Variants in PCDHA5 observed in about 807,000 individuals in gnomAD.
PCDHA5 encodes protocadherin alpha 5, also known as protocadherin alpha-5.
Under a neutral mutation model 61.6 loss-of-function variants are expected in PCDHA5, and 43 were observed. The observed-to-expected ratio is 0.70, with a 90% CI of 0.55 to 0.90. PCDHA5 has a LOEUF of 0.90. PCDHA5 is among the 40% of genes least tolerant of loss of function. The pLI is 0.00. For missense variants in PCDHA5, 1,298 were observed against 1,222.7 expected, an observed-to-expected ratio of 1.06 and a Z score of -0.92; for synonymous variants, 627 against 543.9, an observed-to-expected ratio of 1.15 and a Z score of -2.13.
intron 1 of PCDHA5, among the ~76,000 whole-genome samples, chr5:140,826,875 T>C (rs532892808): frequency 6.6e-6 from 1 of 152,100 alleles, no homozygotes; most frequent in Non-Finnish European, 1.5e-5. Context: ...TAAAATTCAA[T>C]GAAAGCTGTA....
intron 1 of PCDHA5, chr5:140,854,476 A>G (rs1156843367): frequency 6.7e-6 from 1 of 150,032 alleles, no homozygotes. Flanking sequence ...GTAGAGAAGT[A>G]TAGAAACAGA....
chr5:140,829,713 G>T, intron 1 of PCDHA5: 1 of 1,613,488 alleles, frequency 6.2e-7, no homozygotes, highest in Non-Finnish European at 8.5e-7. Context: ...CGCGACGCGG[G>T]CGTGCCGCCT....
intron 3 of PCDHA5, among the ~76,000 whole-genome samples, chr5:141,002,751 C>T (rs1204940300): frequency 3.9e-5 from 6 of 152,152 alleles, no homozygotes; most frequent in African/African-American, 1.4e-4. Context: ...CATCGACAAC[C>T]CTGTGATGTA....
intron 1 of PCDHA5, chr5:140,824,475 A>G (rs1438730480): frequency 7.7e-6 from 3 of 390,628 alleles, no homozygotes; most frequent in Non-Finnish European, 1.4e-5. Context: ...TTTTATTGTT[A>G]TTTTTTAGAG....
chr5:140,902,615 G>C (rs2153477614), intron 1 of PCDHA5, among the ~76,000 whole-genome samples: 1 of 152,128 alleles, frequency 6.6e-6, no homozygotes, highest in Admixed American at 6.6e-5. Context: ...AGTTACATGG[G>C]TAAGTTATTT....
chr5:140,885,152 T>C (rs1182560213), intron 1 of PCDHA5, among the ~76,000 whole-genome samples: 1 of 152,206 alleles, frequency 6.6e-6, no homozygotes, highest in African/African-American at 2.4e-5. Context: ...CTGTTTTGAT[T>C]GTCTCTACTT....
At position 140,944,693 on chromosome 5, in the gene PCDHA5, G is replaced by A. The variant is rs191002677; in HGVS notation, c.2353-34256G>A. 1.7e-3 allele frequency among the ~76,000 whole-genome samples: 252 copies of A among 152,248 alleles called. No homozygotes were observed. In the Middle Eastern group the frequency reaches 0.017, roughly 10 times the overall value. On this transcript the variant is annotated intron_variant, in intron 1 of 3. Coordinates refer to ENST00000529859, the MANE Select transcript of PCDHA5 (RefSeq NM_018908.3). ...TATTCTGTGTATCCTATTAATAACA[G>A]TAATTATCAGGTTATTTTGCCTTTG...
chr5:140,967,087 G>A (rs782556858), intron 1 of PCDHA5: 5 of 1,613,256 alleles, frequency 3.1e-6, no homozygotes, highest in South Asian at 1.1e-5. Flanking sequence ...GCATTGATCG[G>A]GAGGCGCTGT....
intron 1 of PCDHA5, among the ~76,000 whole-genome samples, chr5:140,886,040 C>T (rs533442744): frequency 9.2e-5 from 14 of 152,118 alleles, no homozygotes; most frequent in Non-Finnish European, 1.9e-4. Context: ...AAGTTTTCCC[C>T]AATAGTAACA....
chr5:140,903,966 T>A (rs568850758), intron 1 of PCDHA5, among the ~76,000 whole-genome samples: 1 of 152,360 alleles, frequency 6.6e-6, no homozygotes, highest in Admixed American at 6.5e-5. Context: ...TTTGTTGATT[T>A]TTGGTCTATT....
At position 140,843,195 on chromosome 5, in the gene PCDHA5, G is replaced by T. The variant is rs1554139855; in HGVS notation, c.2352+19068G>T. 5.6e-6 allele frequency: 9 copies of T among 1,596,020 alleles called. 1 individual carries two copies. The highest frequency in any genetic ancestry group is 3.3e-5 in the South Asian group (3 of 90,494). On this transcript the variant is annotated intron_variant, in intron 1 of 3. Transcript: ENST00000529859. ...AGCCCTCGCATCCCGTTCCGCGTGG[G>T]GCTGTACACGGGCGAGATCAGCACC...
intron 1 of PCDHA5, among the ~76,000 whole-genome samples, chr5:140,899,376 A>G (rs2153463773): frequency 6.6e-6 from 1 of 152,262 alleles, no homozygotes; most frequent in South Asian, 2.1e-4. Flanking sequence ...TCAATACCTA[A>G]TTTATTGAGA....
chr5:140,901,953 G>A (rs545807968), intron 1 of PCDHA5, among the ~76,000 whole-genome samples: 8 of 151,830 alleles, frequency 5.3e-5, no homozygotes, highest in Non-Finnish European at 7.4e-5. Flanking sequence ...AGTTTTATTC[G>A]TGGCTATCGT....
At chr5:140,976,310 G>A (rs1216220776) in intron 1 of PCDHA5, among the ~76,000 whole-genome samples, 1 of 152,036 alleles carries the variant, frequency 6.6e-6, no homozygotes, top group African/African-American at 2.4e-5. Context: ...CAGCACTTTG[G>A]GAGGCCGAGG....
chr5:140,850,260 G>A lies in PCDHA5; in HGVS notation c.2352+26133G>A, dbSNP rs371305325. ...GGTGCTGCGGTCGGTGGGCGCCGGC[G>A]TAGTGGTGGGGAAGGTGCGCGCAGT... On this transcript the variant is annotated intron_variant, in intron 1 of 3. Coordinates refer to ENST00000529859, the MANE Select transcript of PCDHA5 (RefSeq NM_018908.3). 17 of 1,594,256 alleles carry A rather than the reference G, an allele frequency of 1.1e-5. 2 individuals are homozygous for A. The highest frequency in any genetic ancestry group is 4.0e-5 in the African/African-American group (3 of 74,174).
intron 1 of PCDHA5, among the ~76,000 whole-genome samples, chr5:140,924,900 AAAAAATAAAAT>A (rs2082119593): frequency 1.6e-5 from 1 of 63,328 alleles, no homozygotes; most frequent in African/African-American, 5.4e-5. Context: ...GTCTCAAAAA[AAAAAATAAAAT>A]AAAATAAAAT....
intron 1 of PCDHA5, chr5:140,929,822 A>G (rs1554207413): frequency 1.9e-5 from 3 of 157,286 alleles, no homozygotes; most frequent in African/African-American, 2.4e-5. Flanking sequence ...GAAAGGGAAC[A>G]TAAGAGAACA....
At position 140,853,718 on chromosome 5, in the gene PCDHA5, C is replaced by T. The variant is rs1472931739; in HGVS notation, c.2352+29591C>T. ...TGCTAACGCATTAGCATTAGCAGCA[C>T]CTAAGTCCTCATTGAATGTTCTGGT... is the stretch of plus-strand genomic sequence containing the variant. On this transcript the variant is annotated intron_variant, in intron 1 of 3. Transcript: ENST00000529859. 3 of 988,280 alleles carry T rather than the reference C, an allele frequency of 3.0e-6. No homozygotes were observed. The African/African-American group carries it at 5.3e-5, about 17-fold the overall frequency. 61.2% of individuals were successfully genotyped at this position (988,280 alleles called of 1,614,324 possible).
intron 1 of PCDHA5, chr5:140,967,578 C>T (rs868970551): frequency 1.9e-6 from 3 of 1,614,000 alleles, no homozygotes; most frequent in Non-Finnish European, 2.5e-6. Flanking sequence ...GAGGACTCAC[C>T]CCCAGGCACA....
Sources: gnomAD v4.1 joint callset for allele counts (sites outside exome capture counted in the v4.1 genomes callset) on GRCh38, gnomAD v4.1.1 for gene constraint, MANE v1.5 for transcripts, NCBI Gene and HGNC (gene_info 2026-07-23, HGNC 2026-07-21) for gene names.